The following C1orf87 variants were observed in gnomAD, a reference collection of about 807,000 sequenced individuals.
C1orf87 encodes the protein chromosome 1 open reading frame 87, also known as uncharacterized protein C1orf87.
C1orf87 carries 58 observed loss-of-function variants against 60.5 expected under a neutral mutation model. The observed-to-expected ratio is 0.96, with a 90% CI of 0.78 to 1.19. The LOEUF (loss-of-function observed/expected upper bound fraction) is 1.19. Ranked by LOEUF, C1orf87 falls within the 50% of genes most tolerant of loss-of-function variation. C1orf87 has a pLI of 0.00. For synonymous variants in C1orf87, 236 were observed against 227.4 expected (o/e 1.04, Z -0.34); for missense variants, 673 against 638.6 (o/e 1.05, Z -0.58).
At chr1:60,000,758 G>A (rs1402021371) in intron 10 of C1orf87, among the ~76,000 whole-genome samples, 1 of 152,018 alleles carries the variant, frequency 6.6e-6, no homozygotes, top group Admixed American at 6.6e-5. Flanking sequence ...TTTGATGGCA[G>A]TTTGTGAATC....
intron 8 of C1orf87, among the ~76,000 whole-genome samples, chr1:60,012,645 G>A (rs1335584950): frequency 6.6e-6 from 1 of 152,094 alleles, no homozygotes; most frequent in Non-Finnish European, 1.5e-5. Flanking sequence ...GATCAGGACT[G>A]GAGGACAAGT....
At chr1:60,029,667 G>A (rs1216863355) in intron 7 of C1orf87, among the ~76,000 whole-genome samples, 1 of 128,350 alleles carries the variant, frequency 7.8e-6, no homozygotes, top group African/African-American at 3.0e-5. Flanking sequence ...TTTAGATGGA[G>A]TCTTGCTCTG....
In C1orf87 at chr1:60,023,282, T is replaced by C. The variant is rs553095218; in HGVS notation, c.1127+2119A>G. Among the ~76,000 whole-genome samples the C allele has an allele frequency of 2.0e-5, 3 of 152,292 alleles. No homozygotes were observed. In the East Asian group the frequency reaches 5.8e-4, roughly 29 times the overall value. On this transcript the variant is annotated intron_variant, in intron 8 of 11. Coordinates refer to ENST00000371201, the MANE Select transcript of C1orf87 (RefSeq NM_152377.3). ...AGCTATTATTTGTTCAACATACTTT[T>C]CTTCTCTTCATCCCTCTCTTCCTTT...
At chr1:60,072,016 C>T (rs769196175) in intron 2 of C1orf87, among the ~76,000 whole-genome samples, 1 of 152,050 alleles carries the variant, frequency 6.6e-6, no homozygotes, top group Non-Finnish European at 1.5e-5. Context: ...ACAGGAGTGT[C>T]ATCTCTTAAA....
At chr1:60,015,288 A>T (rs898381214) in intron 8 of C1orf87, among the ~76,000 whole-genome samples, 58 of 152,142 alleles carry the variant, frequency 3.8e-4, no homozygotes, top group Non-Finnish European at 5.6e-4. Context: ...ACAGTGAAAA[A>T]AACACCTGTC....
At chr1:60,064,981 A>G (rs1278829742) in intron 2 of C1orf87, among the ~76,000 whole-genome samples, 10 of 115,062 alleles carry the variant, frequency 8.7e-5, no homozygotes, top group African/African-American at 3.4e-4. Flanking sequence ...ATAAATATTT[A>G]TTATAAAATA....
At chr1:60,049,184 T>C (rs1645394837) in intron 3 of C1orf87, among the ~76,000 whole-genome samples, 1 of 152,076 alleles carries the variant, frequency 6.6e-6, no homozygotes, top group African/African-American at 2.4e-5. Context: ...AGTTTTTCCA[T>C]TTAAATTTTT....
chr1:60,067,976 G>A (rs1472101586), intron 2 of C1orf87, among the ~76,000 whole-genome samples: 1 of 152,122 alleles, frequency 6.6e-6, no homozygotes, highest in African/African-American at 2.4e-5. Flanking sequence ...CTATTAAATA[G>A]GAAATCTTTT....
At chr1:60,001,660 T>G (rs2100242881) in intron 9 of C1orf87, among the ~76,000 whole-genome samples, 1 of 152,152 alleles carries the variant, frequency 6.6e-6, no homozygotes, top group Non-Finnish European at 1.5e-5. Flanking sequence ...TAAGAAAGGC[T>G]TTTGTAACTT....
chr1:60,003,362 C>G (rs1325080710), intron 9 of C1orf87, among the ~76,000 whole-genome samples: 1 of 151,208 alleles, frequency 6.6e-6, no homozygotes, highest in East Asian at 2.0e-4. Flanking sequence ...AGGAGATATA[C>G]CTAATGATAG....
At chr1:59,994,770 C>T (rs1003633842) in intron 11 of C1orf87, among the ~76,000 whole-genome samples, 2 of 152,176 alleles carry the variant, frequency 1.3e-5, no homozygotes, top group African/African-American at 4.8e-5. Context: ...GATGGCCTGT[C>T]CTCATCCTGG....
In C1orf87 at chr1:60,038,042, T is replaced by A. The variant is rs1645290655; in HGVS notation, c.813A>T (p.Lys271Asn). The change falls in exon 6 of 12, where the codon AAA becomes AAT. Residue 271 changes from lysine to asparagine, a missense_variant. By Grantham distance (94) the Lys-to-Asn change is moderately conservative (BLOSUM62 0). Coordinates refer to ENST00000371201, the MANE Select transcript of C1orf87 (RefSeq NM_152377.3). ...CAGTTTTTCTCAGGTCTGCAGCTGC[T>A]TTATTTTGCTGTGGATAATCTGATG... ...SAASDYPQQNKAAADLRKTES... is the reference protein window; with the variant it reads ...SAASDYPQQNNAAADLRKTES... The A allele has an allele frequency of 1.1e-5, 18 of 1,610,902 alleles. No homozygotes were observed. The highest frequency in any genetic ancestry group is 1.5e-5 in the Non-Finnish European group (18 of 1,177,604).
chr1:60,000,769 G>A (rs576220086), intron 10 of C1orf87, among the ~76,000 whole-genome samples: 65 of 151,972 alleles, frequency 4.3e-4, no homozygotes, highest in African/African-American at 1.5e-3. Context: ...TTTGTGAATC[G>A]GTCACAAGCT....
chr1:60,023,534 G>A (rs1290612612), intron 8 of C1orf87, among the ~76,000 whole-genome samples: 1 of 152,060 alleles, frequency 6.6e-6, no homozygotes, highest in Non-Finnish European at 1.5e-5. Context: ...TTTTTTAAAA[G>A]TAGTTTTAGA....
chr1:59,997,688 C>T lies in C1orf87; in HGVS notation c.1401G>A (p.Lys467=). 1.2e-6 allele frequency: 2 copies of T among 1,614,002 alleles called. No individual in the cohort carries two copies. The highest frequency in any genetic ancestry group is 8.5e-7 in the Non-Finnish European group (1 of 1,179,916). The stretch of plus-strand genomic sequence containing the variant: ...CTATCCACGTCTCACATTCCTCAGC[C>T]TTGTTCTTCACAGCTGGATTCACGA... ...QPFVNPAVKN[K]AEECETWIDR... Residue 467 remains lysine (K), a synonymous_variant, in exon 11 of 12, where the codon AAG becomes AAA. Transcript: ENST00000371201.
intron 9 of C1orf87, among the ~76,000 whole-genome samples, chr1:60,010,015 C>CTTTT (rs34236824): frequency 7.0e-6 from 1 of 143,018 alleles, no homozygotes; most frequent in Non-Finnish European, 1.5e-5. Context: ...TCTCACAGGT[C>CTTTT]TTTTTTTTTT....
chr1:60,043,589 G>A (rs558126158), intron 3 of C1orf87, among the ~76,000 whole-genome samples: 3 of 152,176 alleles, frequency 2.0e-5, no homozygotes, highest in African/African-American at 4.8e-5. Flanking sequence ...ATTTCACCAC[G>A]TTGGCCAGGA....
At chr1:60,025,632 A>C in intron 7 of C1orf87, 134 bp from the exon 8 acceptor site, 1 of 653,700 alleles carries the variant, frequency 1.5e-6, no homozygotes, top group Non-Finnish European at 2.5e-6. Context: ...AATACCCAGG[A>C]GTACATTCTA....
intron 3 of C1orf87, among the ~76,000 whole-genome samples, chr1:60,049,529 C>T (rs1361811652): frequency 6.6e-6 from 1 of 152,028 alleles, no homozygotes; most frequent in Admixed American, 6.5e-5. Context: ...TGCAGATTTT[C>T]CTCCTACTTT....
Sources: gnomAD v4.1 joint callset for allele counts (sites outside exome capture counted in the v4.1 genomes callset) on GRCh38, gnomAD v4.1.1 for gene constraint, MANE v1.5 for transcripts, NCBI Gene and HGNC (gene_info 2026-07-23, HGNC 2026-07-21) for gene names.